The following VRK2 variants were observed in gnomAD, a reference collection of about 807,000 sequenced individuals.
The protein encoded by VRK2 is VRK serine/threonine kinase 2, also known as serine/threonine-protein kinase VRK2.
Under a neutral mutation model 57.6 loss-of-function variants are expected in VRK2, and 60 were observed. The observed-to-expected ratio is 1.04, with a 90% CI of 0.85 to 1.29. The LOEUF (loss-of-function observed/expected upper bound fraction) is 1.29. Among genes scored for constraint, VRK2 ranks in the 50% most tolerant of loss-of-function variants. VRK2 has a pLI of 0.00. For missense variants in VRK2, 705 were observed against 588.1 expected (o/e 1.20, Z -2.06); for synonymous variants, 231 against 199.2 (o/e 1.16, Z -1.35).
intron 2 of VRK2, among the ~76,000 whole-genome samples, chr2:58,065,567 A>G (rs1668491831): frequency 6.6e-6 from 1 of 152,110 alleles, no homozygotes; most frequent in African/African-American, 2.4e-5. Context: ...TTTCTTCAAA[A>G]TTGTTTTAGC....
chr2:58,103,365 G>A (rs1674291082), intron 7 of VRK2, among the ~76,000 whole-genome samples: 1 of 151,228 alleles, frequency 6.6e-6, no homozygotes, highest in Admixed American at 6.6e-5. Context: ...CACTAACCAA[G>A]AATAGAGAAG....
At chr2:58,119,434 G>A (rs1033158058) in intron 7 of VRK2, among the ~76,000 whole-genome samples, 6 of 137,440 alleles carry the variant, frequency 4.4e-5, no homozygotes, top group Admixed American at 3.3e-4. Context: ...CCGAGATCGC[G>A]CCACTGCACT....
intron 2 of VRK2, among the ~76,000 whole-genome samples, chr2:58,083,809 A>T (rs1345244424): frequency 2.0e-5 from 3 of 151,812 alleles, no homozygotes; most frequent in Non-Finnish European, 4.4e-5. Context: ...TAAATATTTA[A>T]ATATGGTTTA....
At chr2:58,048,671 A>T (rs1442234009) in intron 1 of VRK2, 156 bp from the exon 2 acceptor site, 5 of 1,506,998 alleles carry the variant, frequency 3.3e-6, no homozygotes, top group Non-Finnish European at 4.5e-6. Context: ...ATTTGAATAT[A>T]ATGTGTGGGC....
intron 2 of VRK2, among the ~76,000 whole-genome samples, chr2:58,068,544 T>C (rs911111116): frequency 3.4e-4 from 52 of 152,156 alleles, no homozygotes; most frequent in African/African-American, 1.2e-3. Context: ...TTTGACATTA[T>C]TGAGTCTGTA....
chr2:57,938,907 G>T (rs1445020878), intron 1 of VRK2, among the ~76,000 whole-genome samples: 1 of 152,006 alleles, frequency 6.6e-6, no homozygotes, highest in African/African-American at 2.4e-5. Flanking sequence ...ATGCTCCATG[G>T]TTAGTCTAAC....
chr2:57,931,927 G>A (rs1670741802), intron 1 of VRK2, among the ~76,000 whole-genome samples: 1 of 151,376 alleles, frequency 6.6e-6, no homozygotes, highest in Admixed American at 6.6e-5. Flanking sequence ...TTAGTTGAAT[G>A]TACGTACATA....
intron 1 of VRK2, among the ~76,000 whole-genome samples, chr2:57,960,361 T>A (rs1385706984): frequency 2.6e-5 from 4 of 152,192 alleles, no homozygotes; most frequent in Non-Finnish European, 4.4e-5. Context: ...TTTCTCCTAA[T>A]ACAGTTCTTC....
intron 2 of VRK2, among the ~76,000 whole-genome samples, chr2:58,071,194 A>G (rs751003416): frequency 3.9e-5 from 6 of 151,902 alleles, no homozygotes; most frequent in South Asian, 2.1e-4. Context: ...TATTTTGTAT[A>G]TTTTTGATAT....
At chr2:57,982,120 A>G (rs1672438948) in intron 1 of VRK2, among the ~76,000 whole-genome samples, 1 of 152,126 alleles carries the variant, frequency 6.6e-6, no homozygotes, top group Non-Finnish European at 1.5e-5. Flanking sequence ...GGATTTAGTC[A>G]ATTGGCTTCA....
chr2:58,103,548 A>G (rs985738104), intron 7 of VRK2, among the ~76,000 whole-genome samples: 2 of 151,860 alleles, frequency 1.3e-5, no homozygotes, highest in African/African-American at 4.8e-5. Flanking sequence ...AACCAGGAAG[A>G]AATAGAAATC....
At chr2:58,117,386 G>C (rs892377567) in intron 7 of VRK2, among the ~76,000 whole-genome samples, 1 of 152,144 alleles carries the variant, frequency 6.6e-6, no homozygotes, top group Non-Finnish European at 1.5e-5. Flanking sequence ...GTGAGGAGGG[G>C]AGGCGATAAA....
chr2:58,011,668 T>G (rs188288067), intron 1 of VRK2, among the ~76,000 whole-genome samples: 4 of 152,322 alleles, frequency 2.6e-5, no homozygotes, highest in African/African-American at 9.6e-5. Flanking sequence ...TTATATTTTA[T>G]TTTGTAAATT....
intron 1 of VRK2, among the ~76,000 whole-genome samples, chr2:58,013,283 T>C (rs576390863): frequency 6.6e-6 from 1 of 152,374 alleles, no homozygotes; most frequent in East Asian, 1.9e-4. Flanking sequence ...AAGGCATTTA[T>C]GTAACTTCCA....
intron 1 of VRK2, among the ~76,000 whole-genome samples, chr2:57,960,788 C>G (rs761010271): frequency 1.3e-5 from 2 of 152,138 alleles, no homozygotes; most frequent in Non-Finnish European, 2.9e-5. Context: ...TATTTTAGAC[C>G]AGGATCCAGC....
chr2:58,048,429 C>A, intron 1 of VRK2: 1 of 665,628 alleles, frequency 1.5e-6, no homozygotes. Context: ...GACCTTCTCA[C>A]TTTTAACATT....
intron 7 of VRK2, among the ~76,000 whole-genome samples, chr2:58,117,842 G>A (rs1345675989): frequency 1.3e-5 from 2 of 152,146 alleles, no homozygotes; most frequent in African/African-American, 2.4e-5. Context: ...AAGGGAGAAG[G>A]AGGAGGAATG....
At position 57,945,317 on chromosome 2, in the gene VRK2, A is replaced by G. The variant is rs562210263; in HGVS notation, c.-439+37478A>G. Reference sequence around the variant, plus strand: ...AAATTTCCATCATGAAGATTTCCCAATGATAGCACCATTGGTTACCCCTTT... The same window carrying G: ...AAATTTCCATCATGAAGATTTCCCAGTGATAGCACCATTGGTTACCCCTTT... On this transcript the variant is annotated intron_variant, in intron 1 of 15. Coordinates refer to the VRK2 transcript ENST00000417641. Among the ~76,000 whole-genome samples, 17 of 152,292 alleles carry G rather than the reference A, an allele frequency of 1.1e-4. No homozygotes were observed. The South Asian group carries it at 3.3e-3, about 30-fold the overall frequency.
chr2:57,972,505 A>G (rs1672126299), intron 1 of VRK2, among the ~76,000 whole-genome samples: 10 of 151,820 alleles, frequency 6.6e-5, no homozygotes, highest in Admixed American at 6.6e-4. Context: ...TTAGCATATA[A>G]CCCATTAAGA....
Sources: allele counts gnomAD v4.1 joint callset (sites outside exome capture counted in the v4.1 genomes callset), GRCh38; gene constraint gnomAD v4.1.1; transcripts MANE v1.5; gene names NCBI Gene and HGNC (gene_info 2026-07-23, HGNC 2026-07-21).